VIPR2: variants seen among roughly 807,000 people sequenced by gnomAD.
VIPR2 encodes the protein vasoactive intestinal polypeptide receptor 2.
A neutral mutation model predicts 58.0 loss-of-function variants in VIPR2; 48 were observed. The observed-to-expected ratio is 0.83, with a 90% CI of 0.66 to 1.05. VIPR2 has a LOEUF of 1.05. Among genes scored for constraint, VIPR2 ranks in the 50% least tolerant of loss-of-function variants. The pLI is 0.00. For synonymous variants in VIPR2, 243 were observed against 235.2 expected (o/e 1.03, Z -0.30); for missense variants, 534 against 558.0 (o/e 0.96, Z 0.43).
chr7:159,121,817 T>G (rs965909190), intron 2 of VIPR2, among the ~76,000 whole-genome samples: 6 of 152,218 alleles, frequency 3.9e-5, no homozygotes, highest in African/African-American at 1.4e-4. Context: ...ATGCTTGGAC[T>G]TTTATCCTGT....
intron 5 of VIPR2, among the ~76,000 whole-genome samples, chr7:159,053,590 G>T (rs1341435297): frequency 6.6e-6 from 1 of 152,174 alleles, no homozygotes; most frequent in Non-Finnish European, 1.5e-5. Flanking sequence ...TGCCCAGGCT[G>T]GAGTGCAGTG....
chr7:159,078,750 T>A, intron 4 of VIPR2, among the ~76,000 whole-genome samples: 1 of 152,202 alleles, frequency 6.6e-6, no homozygotes, highest in South Asian at 2.1e-4. Context: ...CCTACATAAG[T>A]AACTCGGGAA....
chr7:159,082,101 C>T (rs999008234), intron 4 of VIPR2, among the ~76,000 whole-genome samples: 2 of 152,166 alleles, frequency 1.3e-5, no homozygotes, highest in African/African-American at 2.4e-5. Context: ...TTGACCCAGC[C>T]ATCCCATTAC....
intron 2 of VIPR2, among the ~76,000 whole-genome samples, chr7:159,140,414 C>T (rs973224624): frequency 6.6e-6 from 1 of 152,198 alleles, no homozygotes; most frequent in Admixed American, 6.5e-5. Context: ...ACATCCCTGG[C>T]ATTTGAGCCA....
In VIPR2 at chr7:159,099,899, G is replaced by A. The variant is rs1427403380; in HGVS notation, c.357+3858C>T. ...CTGTCAGCCATGGTGTGTGATGACAGAGGCCGCAATGTTCCCCCTCTCCCT... is the reference window on the plus strand; with the variant it reads ...CTGTCAGCCATGGTGTGTGATGACAAAGGCCGCAATGTTCCCCCTCTCCCT... On this transcript the variant is annotated intron_variant, in intron 4 of 12. Coordinates refer to ENST00000262178, the MANE Select transcript of VIPR2 (RefSeq NM_003382.5). This position sits in a 1 kb window ranked among gnomAD's most constrained non-coding sequence, Gnocchi z 4.2. Among the ~76,000 whole-genome samples, 1 of 152,156 alleles carries A rather than the reference G, an allele frequency of 6.6e-6. No individual in the cohort carries two copies. The highest frequency in any genetic ancestry group is 1.5e-5 in the Non-Finnish European group (1 of 68,018).
intron 4 of VIPR2, 54 bp downstream of exon 4, chr7:159,103,703 G>A: frequency 1.5e-6 from 2 of 1,353,864 alleles, no homozygotes; most frequent in Non-Finnish European, 2.1e-6. Flanking sequence ...GGGGGCTTCT[G>A]GTGCAGTGTT....
rs769909206 is a variant in VIPR2 at position 159,097,051 on chromosome 7, AG to A, written c.357+6705del. The stretch of plus-strand genomic sequence containing the variant: ...GCAGGCCGCTCTGGGGGTCTCTGGC[AG>A]GCTCCTCCTGGCACCCTGGGAGGCT... On this transcript the variant is annotated intron_variant, in intron 4 of 12. Transcript: ENST00000262178. The surrounding 1 kb of genome is among the most constrained non-coding windows in gnomAD (Gnocchi z 5.3). 3.9e-6 allele frequency: 6 copies of A among 1,548,340 alleles called. No homozygotes were observed. Among genetic ancestry groups the A allele is most frequent in the Middle Eastern group, 1.7e-4 (1 of 6,000 alleles).
At chr7:159,135,004 G>GTTTTTTGTTTTTTT (rs1416758329) in intron 2 of VIPR2, among the ~76,000 whole-genome samples, 8 of 65,976 alleles carry the variant, frequency 1.2e-4, no homozygotes, top group African/African-American at 5.2e-4. Context: ...AATTACAAAA[G>GTTTTTTGTTTTTTT]TTTTTTTTTT....
intron 4 of VIPR2, among the ~76,000 whole-genome samples, chr7:159,092,432 G>A (rs1184832551): frequency 6.6e-6 from 1 of 152,126 alleles, no homozygotes; most frequent in Non-Finnish European, 1.5e-5. Flanking sequence ...CAAGATGACA[G>A]GGTGAGGAGG....
At chr7:159,125,318 G>C (rs963439023) in intron 2 of VIPR2, among the ~76,000 whole-genome samples, 4 of 152,178 alleles carry the variant, frequency 2.6e-5, no homozygotes, top group African/African-American at 9.7e-5. Context: ...TCCAGTTGGC[G>C]TCCATGCCTA....
At chr7:159,054,971 T>C (rs556131161) in intron 5 of VIPR2, among the ~76,000 whole-genome samples, 2 of 152,302 alleles carry the variant, frequency 1.3e-5, no homozygotes, top group Non-Finnish European at 2.9e-5. Flanking sequence ...TGTGTACATA[T>C]ACACACATAC....
intron 6 of VIPR2, among the ~76,000 whole-genome samples, chr7:159,040,384 C>T (rs1292564938): frequency 6.6e-6 from 1 of 152,244 alleles, no homozygotes; most frequent in African/African-American, 2.4e-5. Context: ...CACATGTGCA[C>T]GTGAGGCAGG....
chr7:159,131,261 C>G (rs963235788), intron 2 of VIPR2, among the ~76,000 whole-genome samples: 4 of 152,116 alleles, frequency 2.6e-5, no homozygotes, highest in African/African-American at 9.7e-5. Context: ...TGTGTAAAGG[C>G]AAACAGAAAA....
At position 159,051,071 on chromosome 7, in the gene VIPR2, T is replaced by TGCTG. The variant is rs541093771; in HGVS notation, c.455+7406_455+7409dup. The stretch of plus-strand genomic sequence containing the variant: ...GCAACCAAAACTCATAAGAATTCAC[T>TGCTG]GCTGGTGGGACTGTGCTGAGAGAAA... On this transcript the variant is annotated intron_variant, in intron 5 of 12. Coordinates refer to ENST00000262178, the MANE Select transcript of VIPR2 (RefSeq NM_003382.5). Among the ~76,000 whole-genome samples, 309 of 152,266 alleles carry TGCTG rather than the reference T, an allele frequency of 2.0e-3. 2 individuals are homozygous for TGCTG. Among genetic ancestry groups the TGCTG allele is most frequent in the African/African-American group, 7.2e-3 (299 of 41,548 alleles).
chr7:159,108,380 C>A (rs149898592), intron 3 of VIPR2, among the ~76,000 whole-genome samples: 1 of 152,220 alleles, frequency 6.6e-6, no homozygotes, highest in African/African-American at 2.4e-5. Context: ...GCATAGCTCA[C>A]GTTTTTGTGA....
At chr7:159,112,649 C>A (rs534648474) in intron 2 of VIPR2, among the ~76,000 whole-genome samples, 4 of 152,152 alleles carry the variant, frequency 2.6e-5, no homozygotes, top group Non-Finnish European at 5.9e-5. Flanking sequence ...CGACGGGACC[C>A]GGCCGAGAGC....
chr7:159,085,545 C>T (rs533951855), intron 4 of VIPR2, among the ~76,000 whole-genome samples: 24 of 152,250 alleles, frequency 1.6e-4, no homozygotes, highest in Admixed American at 1.4e-3. Flanking sequence ...ATCCACCCGC[C>T]TTGGCCTCCA....
chr7:159,074,782 G>A (rs1055641399), intron 4 of VIPR2, among the ~76,000 whole-genome samples: 5 of 152,160 alleles, frequency 3.3e-5, no homozygotes, highest in African/African-American at 4.8e-5. Flanking sequence ...GAGGCTAGGA[G>A]TTTGAGACCA....
intron 10 of VIPR2, among the ~76,000 whole-genome samples, chr7:159,033,423 G>A (rs1204829093): frequency 6.6e-6 from 1 of 152,196 alleles, no homozygotes; most frequent in Non-Finnish European, 1.5e-5. Context: ...CTTCTGGGCT[G>A]GGCCAACCAC....
Sources: gnomAD v4.1 joint callset for allele counts (sites outside exome capture counted in the v4.1 genomes callset) on GRCh38, gnomAD v4.1.1 for gene constraint, Gnocchi (gnomAD v3.1) non-coding constraint, MANE v1.5 for transcripts, NCBI Gene and HGNC (gene_info 2026-07-23, HGNC 2026-07-21) for gene names.